Variants in AIF1L observed in about 807,000 individuals in gnomAD.
The protein encoded by AIF1L is allograft inflammatory factor 1-like.
AIF1L carries 12 observed loss-of-function variants against 20.7 expected under a neutral mutation model. That is an observed-to-expected ratio of 0.58 (90% CI 0.37 to 0.94). AIF1L has a LOEUF of 0.94. Ranked by LOEUF, AIF1L falls within the 40% of genes least tolerant of loss-of-function variation. AIF1L has a pLI of 0.01. For synonymous variants in AIF1L, 76 were observed against 65.1 expected (o/e 1.17, Z -0.81); for missense variants, 173 against 185.3 (o/e 0.93, Z 0.39).
chr9:131,111,715 C>T (rs1354223150), intron 3 of AIF1L, 52 bp downstream of exon 3: 1 of 1,566,922 alleles, frequency 6.4e-7, no homozygotes. Context: ...GTGGGCTGGC[C>T]CCTCATCCTT....
At chr9:131,109,859 G>A (rs1588184119) in intron 2 of AIF1L, among the ~76,000 whole-genome samples, 1 of 152,150 alleles carries the variant, frequency 6.6e-6, no homozygotes, top group South Asian at 2.1e-4. Flanking sequence ...AGATGGAGCC[G>A]AGTTGAAGCT....
chr9:131,120,500 G>A lies in AIF1L; in HGVS notation c.*178G>A, dbSNP rs138829191. 52 of 549,782 alleles carry A rather than the reference G, an allele frequency of 9.5e-5. No homozygotes were observed. The highest frequency in any genetic ancestry group is 6.6e-4 in the African/African-American group (34 of 51,602). 34.1% of individuals were successfully genotyped at this position (549,782 alleles called of 1,614,324 possible). ...ATCTGCCTTAAAGGGGCTCTGGGTC[G>A]GGGAATCCTGAGCCTTGGGTCCCCT... On this transcript the variant is annotated 3_prime_UTR_variant, in exon 6 of 6. Coordinates refer to ENST00000247291, the MANE Select transcript of AIF1L (RefSeq NM_031426.4).
rs974709972 is a variant in AIF1L, at chr9:131,122,294, G to C, written c.*1972G>C. The C allele has an allele frequency of 6.6e-6, 1 of 152,602 alleles. No homozygotes were observed. Among genetic ancestry groups the C allele is most frequent in the Non-Finnish European group, 1.5e-5 (1 of 68,036 alleles). 9.5% of individuals were successfully genotyped at this position (152,602 alleles called of 1,614,324 possible). A position where few individuals can be genotyped will look rare whatever the true frequency, so the allele number is the denominator to read the frequency against. ...TAAGGCATGAGGAAATGGCCAGGTT[G>C]GGTTAACCCACTGGTTTCAACCAGT... On this transcript the variant is annotated 3_prime_UTR_variant, in exon 6 of 6. Transcript: ENST00000247291.
chr9:131,100,791 G>T lies in AIF1L; in HGVS notation c.93+3928G>T, dbSNP rs141303689. On this transcript the variant is annotated intron_variant, in intron 2 of 5. Coordinates refer to ENST00000247291, the MANE Select transcript of AIF1L (RefSeq NM_031426.4). ...CAGGGACAGAGAGAAGCAGGAGTGG[G>T]GCTGGGGGCGCTGCCCCTCAGGGTG... 2.6e-5 allele frequency among the ~76,000 whole-genome samples: 4 copies of T among 152,376 alleles called. No individual in the cohort carries two copies. In the East Asian group the frequency reaches 7.7e-4, roughly 29 times the overall value.
At chr9:131,097,314 G>A (rs1830551559) in intron 2 of AIF1L, among the ~76,000 whole-genome samples, 1 of 152,212 alleles carries the variant, frequency 6.6e-6, no homozygotes, top group South Asian at 2.1e-4. Flanking sequence ...CCACCTTTGG[G>A]ATTCAAACGG....
At chr9:131,105,983 T>C (rs1225156583) in intron 2 of AIF1L, among the ~76,000 whole-genome samples, 1 of 152,166 alleles carries the variant, frequency 6.6e-6, no homozygotes, top group Non-Finnish European at 1.5e-5. Context: ...CACACCCAGC[T>C]AATTTTTTAA....
Position 131,111,642 on chromosome 9 carries a change from G to A in AIF1L, c.139G>A (p.Glu47Lys). 1 of 1,614,072 alleles carries A rather than the reference G, an allele frequency of 6.2e-7. No homozygotes were observed. Residue 47 changes from glutamate (E) to lysine (K), a missense_variant, in exon 3 of 6, where the codon GAA becomes AAA. Glu to Lys is a moderately conservative substitution (Grantham distance 56). Coordinates refer to ENST00000247291, the MANE Select transcript of AIF1L (RefSeq NM_031426.4). The part of the protein sequence containing the change: ...QKYSDEENLP[E>K]KLTAFKEKYM... ...GTACAGTGATGAAGAGAACCTTCCAGAAAAGCTCACAGCCTTCAAAGGTAA... is the reference window on the plus strand; with the variant it reads ...GTACAGTGATGAAGAGAACCTTCCAAAAAAGCTCACAGCCTTCAAAGGTAA...
chr9:131,114,550 T>C (rs758372499), intron 3 of AIF1L, 27 bp from the exon 4 acceptor site: 4 of 1,613,214 alleles, frequency 2.5e-6, no homozygotes, highest in Non-Finnish European at 3.4e-6. Flanking sequence ...TCCAAACTAA[T>C]GCTAGTTTTT....
intron 3 of AIF1L, among the ~76,000 whole-genome samples, chr9:131,112,654 G>A (rs1373343511): frequency 1.3e-5 from 2 of 152,162 alleles, no homozygotes; most frequent in Admixed American, 1.3e-4. Context: ...CTAGGGCAGA[G>A]TTGGGACTTG....
At chr9:131,111,882 C>T (rs1044297312) in intron 3 of AIF1L, 9 of 572,412 alleles carry the variant, frequency 1.6e-5, no homozygotes, top group African/African-American at 9.4e-5. Context: ...CGTCACCCCT[C>T]GCCTGCAGCC....
chr9:131,106,683 C>G (rs2133384807), intron 2 of AIF1L, among the ~76,000 whole-genome samples: 1 of 152,182 alleles, frequency 6.6e-6, no homozygotes, highest in South Asian at 2.1e-4. Flanking sequence ...CTCTGGAGGG[C>G]TGAGGTGGGA....
chr9:131,119,814 A>G (rs1022177798), intron 5 of AIF1L, among the ~76,000 whole-genome samples: 2 of 152,152 alleles, frequency 1.3e-5, no homozygotes, highest in African/African-American at 4.8e-5. Flanking sequence ...TTATACGCTG[A>G]GCCCCTACCC....
chr9:131,121,408 C>T lies in AIF1L; in HGVS notation c.*1086C>T, dbSNP rs1455378351. 8 of 338,524 alleles carry T rather than the reference C, an allele frequency of 2.4e-5. No homozygotes were observed. Among genetic ancestry groups the T allele is most frequent in the Non-Finnish European group, 3.2e-5 (6 of 186,730 alleles). The allele number at this position is 338,524 out of a possible 1,614,324, so 21.0% of individuals were successfully genotyped here. A position where few individuals can be genotyped will look rare whatever the true frequency, so the allele number is the denominator to read the frequency against. ...TCATCTCTCCCCAGATCTCTCAGAACCTTGAGCTTGGGAATTGAACTGGGG... is the reference window on the plus strand; with the variant it reads ...TCATCTCTCCCCAGATCTCTCAGAATCTTGAGCTTGGGAATTGAACTGGGG... On this transcript the variant is annotated 3_prime_UTR_variant, in exon 6 of 6. Coordinates refer to ENST00000247291, the MANE Select transcript of AIF1L (RefSeq NM_031426.4).
rs200001029 is a variant in AIF1L at position 131,111,686 on chromosome 9, G to A, written c.160+23G>A. Reference sequence around the variant, plus strand: ...AAGGTAAGCTGGGGCGGGCTGCCCTGCATTTATTCCTGGGGGAGGTGGGCT... The same window carrying A: ...AAGGTAAGCTGGGGCGGGCTGCCCTACATTTATTCCTGGGGGAGGTGGGCT... On this transcript the variant is annotated intron_variant, in intron 3 of 5. Coordinates refer to ENST00000247291, the MANE Select transcript of AIF1L (RefSeq NM_031426.4). 220 of 1,610,860 alleles carry A rather than the reference G, an allele frequency of 1.4e-4. No individual in the cohort carries two copies. In the Admixed American group the frequency reaches 3.5e-3, roughly 26 times the overall value.
At position 131,096,533 on chromosome 9, in the gene AIF1L, A is replaced by G. The variant is rs536963219; in HGVS notation, c.-97A>G. 15 of 1,386,942 alleles carry G rather than the reference A, an allele frequency of 1.1e-5. No homozygotes were observed. The highest frequency in any genetic ancestry group is 1.4e-5 in the Non-Finnish European group (15 of 1,062,608). The allele number at this position is 1,386,942 out of a possible 1,614,324, so 85.9% of individuals were successfully genotyped here. On this transcript the variant is annotated 5_prime_UTR_variant, in exon 1 of 6. Coordinates refer to ENST00000247291, the MANE Select transcript of AIF1L (RefSeq NM_031426.4). ...CTCCGCCCCTCGGTCCCGCGGCCAC[A>G]CGCAGCTAGCCGGAGCCCGGACCAG...
chr9:131,097,130 G>T (rs1217301588), intron 2 of AIF1L, among the ~76,000 whole-genome samples: 1 of 152,022 alleles, frequency 6.6e-6, no homozygotes, highest in Non-Finnish European at 1.5e-5. Context: ...CAGGAGCTCG[G>T]ATGCCAGCCG....
chr9:131,110,921 G>A (rs1052692270), intron 2 of AIF1L, among the ~76,000 whole-genome samples: 1 of 151,944 alleles, frequency 6.6e-6, no homozygotes, highest in African/African-American at 2.4e-5. Flanking sequence ...CAGCACTTTG[G>A]GAGTCTGAGG....
At chr9:131,104,961 T>C (rs1830713586) in intron 2 of AIF1L, among the ~76,000 whole-genome samples, 1 of 143,084 alleles carries the variant, frequency 7.0e-6, no homozygotes, top group Non-Finnish European at 1.5e-5. Flanking sequence ...CTGGCTCCAG[T>C]CTGCCTTTTT....
chr9:131,121,975 G>A lies in AIF1L; in HGVS notation c.*1653G>A, dbSNP rs530397131. The A allele has an allele frequency of 9.8e-5, 15 of 152,360 alleles. 1 individual carries two copies. Among genetic ancestry groups the A allele is most frequent in the African/African-American group, 3.6e-4 (15 of 41,584 alleles). 9.4% of individuals were successfully genotyped at this position (152,360 alleles called of 1,614,324 possible). A position where few individuals can be genotyped will look rare whatever the true frequency, so the allele number is the denominator to read the frequency against. On this transcript the variant is annotated 3_prime_UTR_variant, in exon 6 of 6. Coordinates refer to ENST00000247291, the MANE Select transcript of AIF1L (RefSeq NM_031426.4). ...ACATATTTATTAAGCACTTGCTGTAGGCCAACAGTTAAGAATCCAATAATG... is the reference window on the plus strand; with the variant it reads ...ACATATTTATTAAGCACTTGCTGTAAGCCAACAGTTAAGAATCCAATAATG...
Sources: allele counts gnomAD v4.1 joint callset (sites outside exome capture counted in the v4.1 genomes callset), GRCh38; gene constraint gnomAD v4.1.1; transcripts MANE v1.5; gene names NCBI Gene and HGNC (gene_info 2026-07-23, HGNC 2026-07-21).